TOGARAM2: variants seen among roughly 807,000 people sequenced by gnomAD.
TOGARAM2 encodes the protein TOG array regulator of axonemal microtubules protein 2.
In TOGARAM2, 85 loss-of-function variants were observed where a neutral mutation model predicts 93.3. That is an observed-to-expected ratio of 0.91 (90% CI 0.76 to 1.09). TOGARAM2 has a LOEUF of 1.09. TOGARAM2 is among the 50% of genes least tolerant of loss of function. TOGARAM2 has a pLI of 0.00. For synonymous variants in TOGARAM2, 593 were observed against 552.8 expected, an observed-to-expected ratio of 1.07 and a Z score of -1.02; for missense variants, 1,277 against 1,334.5, an observed-to-expected ratio of 0.96 and a Z score of 0.67.
chr2:28,976,098 T>C (rs1387701176), intron 1 of TOGARAM2, among the ~76,000 whole-genome samples: 4 of 152,116 alleles, frequency 2.6e-5, no homozygotes, highest in African/African-American at 4.8e-5. Context: ...GGGCCAGGTG[T>C]GGCGGCTCAC....
chr2:29,003,611 G>A lies in TOGARAM2; in HGVS notation c.759G>A (p.Val253=). 1 of 1,593,420 alleles carries A rather than the reference G, an allele frequency of 6.3e-7. No individual in the cohort carries two copies. The highest frequency in any genetic ancestry group is 1.4e-5 in the African/African-American group (1 of 73,932). The change falls in exon 6 of 20, where the codon GTG becomes GTA. Residue 253 remains valine, a synonymous_variant. Transcript: ENST00000379558. ...ARTVAATPSR[V]PGSLPSPLPP... ...CGGTTGCAGCGACCCCCTCCCGTGT[G>A]CCTGGCTCCCTTCCCAGCCCGTTAC...
At chr2:29,043,648 G>A (rs1020222417) in intron 18 of TOGARAM2, among the ~76,000 whole-genome samples, 1 of 152,166 alleles carries the variant, frequency 6.6e-6, no homozygotes, top group Non-Finnish European at 1.5e-5. Context: ...TCTGAAAAAT[G>A]CATTTTGTTA....
chr2:29,014,943 A>G (rs1664470187), intron 8 of TOGARAM2, among the ~76,000 whole-genome samples: 1 of 152,172 alleles, frequency 6.6e-6, no homozygotes, highest in Admixed American at 6.5e-5. Flanking sequence ...CTAACACCCA[A>G]GATAGCAAAT....
At chr2:29,004,594 G>T (rs553202297) in intron 6 of TOGARAM2, among the ~76,000 whole-genome samples, 10 of 152,296 alleles carry the variant, frequency 6.6e-5, no homozygotes, top group Admixed American at 3.9e-4. Flanking sequence ...GAGTGTCTTT[G>T]TGTGTGCACA....
chr2:29,009,709 T>G (rs965350580), intron 6 of TOGARAM2, among the ~76,000 whole-genome samples: 3 of 152,096 alleles, frequency 2.0e-5, no homozygotes, highest in Non-Finnish European at 4.4e-5. Flanking sequence ...AGGCCACTCT[T>G]GGACATGCTT....
intron 7 of TOGARAM2, among the ~76,000 whole-genome samples, chr2:29,013,931 C>T (rs1234263220): frequency 2.6e-5 from 4 of 152,222 alleles, no homozygotes. Flanking sequence ...TGAGACTGGA[C>T]TAGTGTTAGA....
chr2:29,026,828 C>A (rs759016660), intron 13 of TOGARAM2, 25 bp from the exon 14 acceptor site: 2 of 1,563,856 alleles, frequency 1.3e-6, no homozygotes, highest in East Asian at 4.7e-5. Context: ...CTGAGACTGA[C>A]CCCTGGGCCA....
At chr2:28,974,885 C>A (rs1672001518) in intron 1 of TOGARAM2, among the ~76,000 whole-genome samples, 1 of 152,048 alleles carries the variant, frequency 6.6e-6, no homozygotes, top group African/African-American at 2.4e-5. Context: ...CCCACCTTGG[C>A]CTCCCAAATT....
At chr2:29,021,169 C>T (rs926314814) in intron 10 of TOGARAM2, among the ~76,000 whole-genome samples, 1 of 152,212 alleles carries the variant, frequency 6.6e-6, no homozygotes, top group Non-Finnish European at 1.5e-5. Flanking sequence ...CTGCCTTGGC[C>T]TCCCAAAGTG....
rs563427738 is a variant in TOGARAM2 at position 29,030,132 on chromosome 2, C to T, written c.2013-2802C>T. Among the ~76,000 whole-genome samples, 8 of 152,090 alleles carry T rather than the reference C, an allele frequency of 5.3e-5. No individual in the cohort carries two copies. The East Asian group carries it at 1.2e-3, about 22-fold the overall frequency. On this transcript the variant is annotated intron_variant, in intron 14 of 19. Transcript: ENST00000379558. ...CTACAAAAAATACCAAAATATTAGC[C>T]GGGCATGGTAGCACGTGCCTGTGGT...
At position 29,024,148 on chromosome 2, in the gene TOGARAM2, C is replaced by T. The variant is rs1489365271; in HGVS notation, c.1627C>T (p.Leu543=). The T allele has an allele frequency of 6.3e-7, 1 of 1,575,242 alleles. No homozygotes were observed. ...CTCTCCTCTCTCCAAGGTCACCAAC[C>T]TGCGGTCCAAGGTGTCTCACCTGGC... The part of the protein sequence containing the change: ...CLVVTGEVTN[L]RSKVSHLAIS... Residue 543 remains leucine (L), a synonymous_variant, in exon 13 of 20, where the codon CTG becomes TTG. Transcript: ENST00000379558.
At chr2:28,964,852 G>T (rs1671846492) in intron 1 of TOGARAM2, among the ~76,000 whole-genome samples, 1 of 152,264 alleles carries the variant, frequency 6.6e-6, no homozygotes, top group Non-Finnish European at 1.5e-5. Flanking sequence ...GTATTCCATG[G>T]TGTATGTGTA....
At chr2:29,031,588 T>C (rs147846342) in intron 14 of TOGARAM2, among the ~76,000 whole-genome samples, 141 of 152,346 alleles carry the variant, frequency 9.3e-4, no homozygotes, top group African/African-American at 3.0e-3. Flanking sequence ...AGAAAAGGCA[T>C]GGCAACGTCA....
At chr2:28,986,283 C>A (rs767541831) in intron 1 of TOGARAM2, among the ~76,000 whole-genome samples, 1 of 152,052 alleles carries the variant, frequency 6.6e-6, no homozygotes, top group Admixed American at 6.6e-5. Context: ...TTTCCTATGT[C>A]TTTTAGACTG....
intron 1 of TOGARAM2, among the ~76,000 whole-genome samples, chr2:28,973,642 CCTCCCAA>C (rs1467436693): frequency 2.2e-4 from 33 of 152,110 alleles, no homozygotes; most frequent in Non-Finnish European, 1.5e-4. Context: ...CCTACCTCAG[CCTCCCAA>C]GTAGCTGCGA....
chr2:29,002,784 C>A, intron 5 of TOGARAM2, 37 bp downstream of exon 5: 1 of 1,575,514 alleles, frequency 6.3e-7, no homozygotes, highest in South Asian at 1.1e-5. Flanking sequence ...TGGTCCTCAG[C>A]TTCTTGCCCT....
At chr2:29,015,000 G>A (rs1167576981) in intron 8 of TOGARAM2, among the ~76,000 whole-genome samples, 3 of 152,174 alleles carry the variant, frequency 2.0e-5, no homozygotes, top group African/African-American at 7.2e-5. Context: ...TGTGCTCCAG[G>A]GACTGGCGAA....
At chr2:28,964,014 G>A (rs1422752660) in intron 1 of TOGARAM2, among the ~76,000 whole-genome samples, 1 of 152,090 alleles carries the variant, frequency 6.6e-6, no homozygotes, top group African/African-American at 2.4e-5. Flanking sequence ...TCTAAAAAGA[G>A]AAGAATGTGT....
In TOGARAM2 at chr2:29,024,319, G is replaced by A; in HGVS notation, c.1798G>A (p.Val600Met). The change falls in exon 13 of 20, where the codon GTG (valine) becomes ATG (methionine). Residue 600 changes from valine to methionine, a missense_variant. Val to Met is a conservative substitution (Grantham distance 21, BLOSUM62 1). Transcript: ENST00000379558. ...RAAGQSLRAM[V>M]ENVTLARSLV... is the part of the protein sequence containing the mutation. ...AGCCGGCCAGTCTCTGAGGGCTATG[G>A]TGGAGAATGTGACCCTTGCCCGCTC... The A allele has an allele frequency of 6.2e-7, 1 of 1,612,996 alleles. No individual in the cohort carries two copies. Among genetic ancestry groups the A allele is most frequent in the Non-Finnish European group, 8.5e-7 (1 of 1,179,528 alleles).
Sources: allele counts gnomAD v4.1 joint callset (sites outside exome capture counted in the v4.1 genomes callset), GRCh38; gene constraint gnomAD v4.1.1; transcripts MANE v1.5; gene names NCBI Gene and HGNC (gene_info 2026-07-23, HGNC 2026-07-21).